Variants in MDGA2 observed in about 807,000 individuals in gnomAD.
The protein encoded by MDGA2 is MAM domain containing glycosylphosphatidylinositol anchor 2, also known as MAM domain-containing glycosylphosphatidylinositol anchor protein 2.
In MDGA2, 40 loss-of-function variants were observed where a neutral mutation model predicts 117.8. That is an observed-to-expected ratio of 0.34 (90% CI 0.26 to 0.44). The LOEUF (loss-of-function observed/expected upper bound fraction) is 0.44. Among genes scored for constraint, MDGA2 ranks in the 20% least tolerant of loss-of-function variants. The probability of loss-of-function intolerance (pLI) is 1.00; values close to 1 mark genes in which losing one functional copy is unlikely to be tolerated. For synonymous variants in MDGA2, 452 were observed against 439.0 expected, an observed-to-expected ratio of 1.03 and a Z score of -0.37; for missense variants, 1,123 against 1,250.6, an observed-to-expected ratio of 0.90 and a Z score of 1.54.
At chr14:47,137,364 T>G (rs1421007708) in intron 4 of MDGA2, among the ~76,000 whole-genome samples, 1 of 152,138 alleles carries the variant, frequency 6.6e-6, no homozygotes, top group Non-Finnish European at 1.5e-5. Flanking sequence ...AATCCCAATG[T>G]TGGAGGTAGG....
intron 1 of MDGA2, among the ~76,000 whole-genome samples, chr14:47,427,216 C>T (rs981967435): frequency 2.0e-5 from 3 of 152,058 alleles, no homozygotes; most frequent in African/African-American, 4.8e-5. Context: ...TTTAATGTGT[C>T]GTCTGAGGCA....
At chr14:47,110,190 G>A (rs1299380262) in intron 5 of MDGA2, among the ~76,000 whole-genome samples, 2 of 151,376 alleles carry the variant, frequency 1.3e-5, no homozygotes, top group African/African-American at 4.8e-5. Context: ...ACAGTGTACT[G>A]TTTGCACTCC....
chr14:47,483,350 G>A (rs553474723), intron 1 of MDGA2, among the ~76,000 whole-genome samples: 17 of 152,188 alleles, frequency 1.1e-4, no homozygotes, highest in African/African-American at 4.1e-4. Flanking sequence ...CAGAAACTTT[G>A]ATGAGCAAGA....
chr14:47,242,760 C>G (rs1367081007), intron 2 of MDGA2, among the ~76,000 whole-genome samples: 1 of 151,780 alleles, frequency 6.6e-6, no homozygotes, highest in Admixed American at 6.6e-5. Context: ...CCCGAGCCTC[C>G]CCGACGAGCA....
At chr14:47,591,514 T>C (rs1253825411) in intron 1 of MDGA2, among the ~76,000 whole-genome samples, 1 of 152,076 alleles carries the variant, frequency 6.6e-6, no homozygotes, top group African/African-American at 2.4e-5. Flanking sequence ...TTCAAGCCAA[T>C]ATCCCTGATA....
intron 1 of MDGA2, among the ~76,000 whole-genome samples, chr14:47,576,107 T>C (rs956951107): frequency 2.6e-5 from 4 of 152,214 alleles, no homozygotes; most frequent in African/African-American, 9.6e-5. Context: ...ACTGTTTATA[T>C]GTATGCTTAT....
At chr14:47,430,011 GAGGAGGACAGT>G (rs1474489106) in intron 1 of MDGA2, among the ~76,000 whole-genome samples, 1 of 149,918 alleles carries the variant, frequency 6.7e-6, no homozygotes, top group African/African-American at 2.5e-5. Flanking sequence ...GTGGGAAAGA[GAGGAGGACAGT>G]GTCTCTAGAA....
chr14:46,996,617 T>C (rs1385669053), intron 8 of MDGA2: 1 of 152,864 alleles, frequency 6.5e-6, no homozygotes, highest in East Asian at 1.9e-4. Context: ...ATCAATACTG[T>C]GGAGATAATT....
intron 1 of MDGA2, among the ~76,000 whole-genome samples, chr14:47,440,509 A>T (rs1036078529): frequency 6.6e-6 from 1 of 152,110 alleles, no homozygotes; most frequent in Non-Finnish European, 1.5e-5. Context: ...TAATTGTTAA[A>T]CCTAGGATTG....
chr14:47,400,383 T>C (rs1391655254), intron 1 of MDGA2, among the ~76,000 whole-genome samples: 1 of 152,196 alleles, frequency 6.6e-6, no homozygotes, highest in African/African-American at 2.4e-5. Context: ...TTACTATTTA[T>C]ACAGAATAAA....
intron 10 of MDGA2, 108 bp from the exon 11 acceptor site, chr14:46,882,329 TAATG>T (rs941883408): frequency 8.1e-6 from 7 of 863,918 alleles, no homozygotes; most frequent in South Asian, 5.7e-5. Context: ...GTACGTATAT[TAATG>T]AATACGTATT....
At chr14:47,674,445 C>G in intron 1 of MDGA2, 72 bp downstream of exon 1, 1 of 1,324,620 alleles carries the variant, frequency 7.5e-7, no homozygotes, top group East Asian at 2.6e-5. Flanking sequence ...CGGCGCGAGT[C>G]GTGCATTTTC....
chr14:46,867,346 A>G (rs1210333236), intron 14 of MDGA2, among the ~76,000 whole-genome samples: 1 of 151,984 alleles, frequency 6.6e-6, no homozygotes, highest in Non-Finnish European at 1.5e-5. Context: ...GAACAATGAG[A>G]TCACATGGAC....
In MDGA2 at chr14:47,526,805, T is replaced by C. The variant is rs149423547; in HGVS notation, c.280+147712A>G. On this transcript the variant is annotated intron_variant, in intron 1 of 16. Transcript: ENST00000399232. ...AGTCTGTTGTAAGCGTCTGACTTTATACTTCCTCCTCAGGCTCTCTTCTCT... is the reference window on the plus strand; with the variant it reads ...AGTCTGTTGTAAGCGTCTGACTTTACACTTCCTCCTCAGGCTCTCTTCTCT... Among the ~76,000 whole-genome samples, 89 of 152,312 alleles carry C rather than the reference T, an allele frequency of 5.8e-4. No individual in the cohort carries two copies. In the East Asian group the frequency reaches 9.1e-3, roughly 16 times the overall value.
intron 10 of MDGA2, among the ~76,000 whole-genome samples, chr14:46,886,141 T>C (rs1595021328): frequency 1.3e-5 from 2 of 152,172 alleles, no homozygotes; most frequent in South Asian, 4.1e-4. Context: ...AAATGCAAAT[T>C]GGTATAAGTT....
chr14:47,188,922 T>C (rs1885008902), intron 3 of MDGA2, among the ~76,000 whole-genome samples: 1 of 152,170 alleles, frequency 6.6e-6, no homozygotes, highest in South Asian at 2.1e-4. Context: ...CAATATTTAC[T>C]GAACTTCAAG....
At chr14:47,638,320 G>A (rs1185916887) in intron 1 of MDGA2, among the ~76,000 whole-genome samples, 4 of 152,272 alleles carry the variant, frequency 2.6e-5, no homozygotes, top group African/African-American at 9.6e-5. Context: ...TAGAAACCCA[G>A]TTTTGCTGTG....
intron 1 of MDGA2, among the ~76,000 whole-genome samples, chr14:47,441,211 A>G (rs567328382): frequency 3.9e-5 from 6 of 152,120 alleles, no homozygotes; most frequent in Admixed American, 6.6e-5. Context: ...AGAGTCAAGG[A>G]CTTCCAAACT....
At chr14:47,175,789 G>C (rs1235518900) in intron 3 of MDGA2, among the ~76,000 whole-genome samples, 6 of 146,788 alleles carry the variant, frequency 4.1e-5, no homozygotes, top group African/African-American at 1.6e-4. Flanking sequence ...AGTGTTGGAA[G>C]TTCTGGTCAG....
Sources: gnomAD v4.1 joint callset for allele counts (sites outside exome capture counted in the v4.1 genomes callset) on GRCh38, gnomAD v4.1.1 for gene constraint, MANE v1.5 for transcripts, NCBI Gene and HGNC (gene_info 2026-07-23, HGNC 2026-07-21) for gene names.